The following MATN2 variants were observed in gnomAD, a reference collection of about 807,000 sequenced individuals.
MATN2 encodes the protein matrilin 2, also known as matrilin-2.
Under a neutral mutation model 103.2 loss-of-function variants are expected in MATN2, and 69 were observed. The observed-to-expected ratio is 0.67, with a 90% CI of 0.55 to 0.82. MATN2 has a LOEUF of 0.82. MATN2 is among the 40% of genes least tolerant of loss of function. MATN2 has a pLI of 0.00. For synonymous variants in MATN2, 429 were observed against 450.2 expected (o/e 0.95, Z 0.60); for missense variants, 1,023 against 1,211.5 (o/e 0.84, Z 2.31).
In MATN2 at chr8:98,030,522, C is replaced by G. The variant is rs1813975312; in HGVS notation, c.2417C>G (p.Ala806Gly). The G allele has an allele frequency of 1.9e-6, 3 of 1,613,700 alleles. No individual in the cohort carries two copies. Among genetic ancestry groups the G allele is most frequent in the Admixed American group, 1.7e-5 (1 of 59,994 alleles). Residue 806 changes from alanine (A) to glycine (G), a missense_variant, in exon 15 of 19, where the codon GCC becomes GGC. Ala to Gly is a moderately conservative substitution (Grantham distance 60, BLOSUM62 0). Transcript: ENST00000254898. The part of the protein sequence containing the change: ...KAIEEELQEI[A>G]SEPTNKHLFY... Reference sequence around the variant, plus strand: ...ATTGAGGAGGAACTACAAGAGATTGCCTCTGAGCCCACAAACAAGCATCTC... The same window carrying G: ...ATTGAGGAGGAACTACAAGAGATTGGCTCTGAGCCCACAAACAAGCATCTC...
chr8:97,896,096 A>G (rs145807728), intron 2 of MATN2, among the ~76,000 whole-genome samples: 13 of 152,306 alleles, frequency 8.5e-5, no homozygotes, highest in African/African-American at 2.4e-4. Flanking sequence ...CCTGGGTTCT[A>G]CTGACCTCCA....
At chr8:97,888,455 TAATTG>T (rs1451785616) in intron 2 of MATN2, among the ~76,000 whole-genome samples, 1 of 152,224 alleles carries the variant, frequency 6.6e-6, no homozygotes, top group Non-Finnish European at 1.5e-5. Context: ...TTGAAGCCTT[TAATTG>T]AATCTGAGGC....
At chr8:98,035,572 C>A in intron 18 of MATN2, 85 bp from the exon 19 acceptor site, 2 of 816,994 alleles carry the variant, frequency 2.4e-6, no homozygotes, top group Non-Finnish European at 1.9e-6. Context: ...ATTTCAGAAG[C>A]CAAAATTTTA....
At chr8:97,902,538 G>T (rs572147625) in intron 2 of MATN2, among the ~76,000 whole-genome samples, 1 of 151,018 alleles carries the variant, frequency 6.6e-6, no homozygotes. Flanking sequence ...AAGAAAAAAA[G>T]CAAAAAGTGC....
In MATN2 at chr8:97,877,072, C is replaced by T. The variant is rs1219079954; in HGVS notation, c.-27+7785C>T. ...CCAGGCTGAAGCACAGTGGCATGAT[C>T]GTAGTTCACTGCAGCCTCAACCTCC... On this transcript the variant is annotated intron_variant, in intron 1 of 18. Coordinates refer to ENST00000254898, the MANE Select transcript of MATN2 (RefSeq NM_002380.5). 6.1e-5 allele frequency among the ~76,000 whole-genome samples: 9 copies of T among 148,646 alleles called. No individual in the cohort carries two copies. In the South Asian group the frequency reaches 1.5e-3, roughly 25 times the overall value.
In MATN2 at chr8:97,931,061, T is replaced by C. The variant is rs1810170228; in HGVS notation, c.251T>C (p.Leu84Ser). 6.2e-7 allele frequency: 1 copy of C among 1,614,030 alleles called. No individual in the cohort carries two copies. The highest frequency in any genetic ancestry group is 8.5e-7 in the Non-Finnish European group (1 of 1,179,884). Residue 84 changes from leucine (L) to serine (S), a missense_variant, in exon 3 of 19, where the codon TTG (leucine) becomes TCG (serine). By Grantham distance (145) the Leu-to-Ser change is moderately radical. Coordinates refer to ENST00000254898, the MANE Select transcript of MATN2 (RefSeq NM_002380.5). This position sits in a 1 kb window ranked among gnomAD's most constrained non-coding sequence, Gnocchi z 4.1. ...GTCAAGGAGTTCATCGTGGACATCT[T>C]GCAATTCTTGGACATTGGTCCTGAT... is the stretch of plus-strand genomic sequence containing the variant. ...AKVKEFIVDILQFLDIGPDVT... is the reference protein window; with the variant it reads ...AKVKEFIVDISQFLDIGPDVT...
intron 10 of MATN2, among the ~76,000 whole-genome samples, chr8:98,014,689 G>C (rs554778321): frequency 6.6e-6 from 1 of 152,222 alleles, no homozygotes; most frequent in African/African-American, 2.4e-5. Context: ...GTTAACAATT[G>C]GTCTTGACAA....
chr8:97,937,041 C>A (rs1810391514), intron 3 of MATN2, among the ~76,000 whole-genome samples: 1 of 152,220 alleles, frequency 6.6e-6, no homozygotes, highest in Non-Finnish European at 1.5e-5. Flanking sequence ...CCACTCCTCT[C>A]CTTCTCCAGT....
At position 98,030,544 on chromosome 8, in the gene MATN2, T is replaced by C. The variant is rs773610499; in HGVS notation, c.2439T>C (p.His813=). 16 of 1,613,872 alleles carry C rather than the reference T, an allele frequency of 9.9e-6. No individual in the cohort carries two copies. Among genetic ancestry groups the C allele is most frequent in the Non-Finnish European group, 1.2e-5 (14 of 1,179,814 alleles). The change falls in exon 15 of 19, where the codon CAT becomes CAC. Residue 813 remains histidine (H), a synonymous_variant. Transcript: ENST00000254898. The part of the protein sequence containing the change: ...QEIASEPTNK[H]LFYAEDFSTM... ...TTGCCTCTGAGCCCACAAACAAGCA[T>C]CTCTTCTATGCCGAAGACTTCAGCA...
chr8:98,017,865 C>A, intron 11 of MATN2, 129 bp from the exon 12 acceptor site: 1 of 985,208 alleles, frequency 1.0e-6, no homozygotes. Flanking sequence ...AACTTCCTGC[C>A]CCATGGACCA....
At chr8:98,034,407 A>C in intron 18 of MATN2, 1 of 311,402 alleles carries the variant, frequency 3.2e-6, no homozygotes, top group Non-Finnish European at 6.6e-6. Context: ...TCTATAGGGA[A>C]ATGGCTTAAT....
chr8:97,928,278 G>T (rs1312176014), intron 2 of MATN2, among the ~76,000 whole-genome samples: 1 of 141,208 alleles, frequency 7.1e-6, no homozygotes, highest in Non-Finnish European at 1.5e-5. Flanking sequence ...CTGGGCTGGA[G>T]TGCAGTGGCG....
chr8:97,890,243 G>T (rs1586381222), intron 2 of MATN2, among the ~76,000 whole-genome samples: 1 of 152,250 alleles, frequency 6.6e-6, no homozygotes, highest in East Asian at 1.9e-4. Flanking sequence ...GAGGTGGGCG[G>T]ATCACAAGGT....
At chr8:97,933,673 G>A (rs1810277548) in intron 3 of MATN2, among the ~76,000 whole-genome samples, 3 of 152,086 alleles carry the variant, frequency 2.0e-5, no homozygotes, top group African/African-American at 7.2e-5. Context: ...GTTATAATCT[G>A]GAAGCTCTAA....
At chr8:97,881,715 T>A (rs1296335688) in intron 1 of MATN2, among the ~76,000 whole-genome samples, 1 of 152,156 alleles carries the variant, frequency 6.6e-6, no homozygotes, top group Non-Finnish European at 1.5e-5. Flanking sequence ...TGGGTCCTGA[T>A]CTTCAAATGC....
intron 2 of MATN2, among the ~76,000 whole-genome samples, chr8:97,909,847 G>A (rs1022068680): frequency 2.6e-5 from 4 of 151,468 alleles, no homozygotes; most frequent in Admixed American, 6.6e-5. Flanking sequence ...ACAGTGGCGT[G>A]ATCTTGGCTC....
At chr8:97,998,120 G>A (rs190823002) in intron 7 of MATN2, among the ~76,000 whole-genome samples, 5 of 150,780 alleles carry the variant, frequency 3.3e-5, no homozygotes, top group African/African-American at 1.2e-4. Flanking sequence ...ACGCCCAGCC[G>A]AAAAGGGTGG....
intron 7 of MATN2, among the ~76,000 whole-genome samples, chr8:97,995,934 C>T (rs1812569471): frequency 6.6e-6 from 1 of 152,170 alleles, no homozygotes; most frequent in Non-Finnish European, 1.5e-5. Context: ...TTTCATAAGA[C>T]CACACATGCC....
At position 97,968,699 on chromosome 8, in the gene MATN2, C is replaced by G. The variant is rs1460033480; in HGVS notation, c.958+7169C>G. Reference sequence around the variant, plus strand: ...TCTATCTGAGATCTCATCAGCCTGGCCTTTACTGTCCATATCTATTAGCAT... The same window carrying G: ...TCTATCTGAGATCTCATCAGCCTGGGCTTTACTGTCCATATCTATTAGCAT... On this transcript the variant is annotated intron_variant, in intron 5 of 18. Coordinates refer to ENST00000254898, the MANE Select transcript of MATN2 (RefSeq NM_002380.5). Among the ~76,000 whole-genome samples, 5 of 152,340 alleles carry G rather than the reference C, an allele frequency of 3.3e-5. No homozygotes were observed. The East Asian group carries it at 9.6e-4, about 29-fold the overall frequency.
Sources: gnomAD v4.1 joint callset for allele counts (sites outside exome capture counted in the v4.1 genomes callset) on GRCh38, gnomAD v4.1.1 for gene constraint, Gnocchi (gnomAD v3.1) non-coding constraint, MANE v1.5 for transcripts, NCBI Gene and HGNC (gene_info 2026-07-23, HGNC 2026-07-21) for gene names.